Variants in ANKS1A observed in about 807,000 individuals in gnomAD.
ANKS1A encodes ankyrin repeat and SAM domain-containing protein 1A.
In ANKS1A, 55 loss-of-function variants were observed where a neutral mutation model predicts 120.3. The ratio of observed to expected loss-of-function variants is 0.46; its 90% CI spans 0.37 to 0.57. ANKS1A has a LOEUF of 0.57. Ranked by LOEUF, ANKS1A falls within the 20% of genes least tolerant of loss-of-function variation. The probability of loss-of-function intolerance (pLI) is 0.00; values close to 1 mark genes in which losing one functional copy is unlikely to be tolerated. For missense variants in ANKS1A, 1,123 were observed against 1,480.3 expected (o/e 0.76, Z 3.96); for synonymous variants, 590 against 604.7 (o/e 0.98, Z 0.36).
In ANKS1A at chr6:35,089,230, C is replaced by T. The variant is rs1778167671; in HGVS notation, c.*621C>T. Reference sequence around the variant, plus strand: ...TAGACACAGGCTTCTCGTAAGAACACAGCCTTAGAGGCACCTGAGCAACTC... The same window carrying T: ...TAGACACAGGCTTCTCGTAAGAACATAGCCTTAGAGGCACCTGAGCAACTC... On this transcript the variant is annotated 3_prime_UTR_variant, in exon 24 of 24. Transcript: ENST00000360359. 2.0e-6 allele frequency: 2 copies of T among 992,228 alleles called. No individual in the cohort carries two copies. Among genetic ancestry groups the T allele is most frequent in the Non-Finnish European group, 2.4e-6 (2 of 833,340 alleles). The allele number at this position is 992,228 out of a possible 1,614,324, so 61.5% of individuals were successfully genotyped here. A position where few individuals can be genotyped will look rare whatever the true frequency, so the allele number is the denominator to read the frequency against.
intron 14 of ANKS1A, among the ~76,000 whole-genome samples, chr6:35,078,982 C>T (rs181639215): frequency 2.0e-3 from 311 of 152,278 alleles, no homozygotes; most frequent in Non-Finnish European, 3.4e-3. Context: ...CCTTCATGGT[C>T]TCTCTGGCTC....
At chr6:34,995,873 A>G (rs1490780057) in intron 10 of ANKS1A, among the ~76,000 whole-genome samples, 1 of 152,232 alleles carries the variant, frequency 6.6e-6, no homozygotes, top group Admixed American at 6.5e-5. Flanking sequence ...ATTCACTTAC[A>G]GATTTTTGTG....
At chr6:34,989,037 T>C (rs1454283738) in intron 8 of ANKS1A, among the ~76,000 whole-genome samples, 187 bp from the exon 9 acceptor site, 4 of 152,184 alleles carry the variant, frequency 2.6e-5, no homozygotes, top group African/African-American at 9.7e-5. Flanking sequence ...CCATAGAGCA[T>C]GCTAATTGAA....
chr6:34,956,557 A>T (rs1174942572), intron 1 of ANKS1A, among the ~76,000 whole-genome samples: 1 of 152,074 alleles, frequency 6.6e-6, no homozygotes, highest in East Asian at 1.9e-4. Context: ...CTCCTGTTTT[A>T]TTGGGAAATC....
chr6:34,915,901 T>C (rs1768132543), intron 1 of ANKS1A, among the ~76,000 whole-genome samples: 1 of 152,048 alleles, frequency 6.6e-6, no homozygotes, highest in Non-Finnish European at 1.5e-5. Context: ...AGAGAAAGTA[T>C]TTGGTTTCAG....
chr6:34,904,957 T>C (rs1344520103), intron 1 of ANKS1A, among the ~76,000 whole-genome samples: 1 of 152,144 alleles, frequency 6.6e-6, no homozygotes, highest in South Asian at 2.1e-4. Flanking sequence ...ATTACAGGTG[T>C]GTGCCACCAC....
chr6:34,934,439 C>G (rs147778751), intron 1 of ANKS1A, among the ~76,000 whole-genome samples: 1 of 152,188 alleles, frequency 6.6e-6, no homozygotes, highest in Non-Finnish European at 1.5e-5. Context: ...TGAGCCACCA[C>G]GCCCAGCCAC....
intron 1 of ANKS1A, among the ~76,000 whole-genome samples, chr6:34,958,551 C>T (rs190414577): frequency 5.9e-5 from 9 of 152,246 alleles, no homozygotes; most frequent in African/African-American, 1.7e-4. Context: ...TCTGAGTACC[C>T]GCCTCCCAGC....
intron 9 of ANKS1A, among the ~76,000 whole-genome samples, chr6:34,992,362 A>G (rs1238755510): frequency 6.6e-6 from 1 of 152,240 alleles, no homozygotes; most frequent in Non-Finnish European, 1.5e-5. Flanking sequence ...GAGTGAAAGC[A>G]GGTCCAGTGG....
intron 11 of ANKS1A, among the ~76,000 whole-genome samples, chr6:35,021,704 G>A (rs1296715508): frequency 6.6e-6 from 1 of 152,174 alleles, no homozygotes; most frequent in Non-Finnish European, 1.5e-5. Context: ...GCAGAGCTCA[G>A]GCCGGGTGCG....
chr6:34,963,888 A>G lies in ANKS1A; in HGVS notation c.198-3351A>G, dbSNP rs117428521. Among the ~76,000 whole-genome samples the G allele has an allele frequency of 2.9e-4, 44 of 152,242 alleles. No homozygotes were observed. In the East Asian group the frequency reaches 7.9e-3, roughly 27 times the overall value. On this transcript the variant is annotated intron_variant, in intron 1 of 23. Transcript: ENST00000360359. ...CTAGTGATGTTGAGCATTTTTTCAT[A>G]TACCTATTGGCCATTTGTATGTCTT...
chr6:34,916,984 T>A (rs545346591), intron 1 of ANKS1A, among the ~76,000 whole-genome samples: 5 of 152,294 alleles, frequency 3.3e-5, no homozygotes, highest in African/African-American at 1.2e-4. Context: ...CTACCTTACA[T>A]GGTATAATAG....
intron 13 of ANKS1A, among the ~76,000 whole-genome samples, chr6:35,070,169 A>AC (rs1201100887): frequency 5.9e-5 from 9 of 152,100 alleles, no homozygotes; most frequent in African/African-American, 1.7e-4. Flanking sequence ...GGGCATCAAT[A>AC]GTTGTCACCT....
chr6:34,970,244 T>A, intron 3 of ANKS1A, 78 bp downstream of exon 3: 1 of 1,466,290 alleles, frequency 6.8e-7, no homozygotes, highest in Non-Finnish European at 9.1e-7. Flanking sequence ...CTTAGCCCCA[T>A]AGTTCAAATC....
chr6:34,907,031 C>T (rs1767679474), intron 1 of ANKS1A, among the ~76,000 whole-genome samples: 2 of 152,174 alleles, frequency 1.3e-5, no homozygotes, highest in South Asian at 4.1e-4. Flanking sequence ...GGACACTTTG[C>T]CTCTTGTGTT....
rs368742059 is a variant in ANKS1A, at chr6:34,984,159, G to A, written c.1012+734G>A. Among the ~76,000 whole-genome samples the A allele has an allele frequency of 8.5e-5, 13 of 152,224 alleles. No individual in the cohort carries two copies. The South Asian group carries it at 2.5e-3, about 29-fold the overall frequency. On this transcript the variant is annotated intron_variant, in intron 7 of 23. Transcript: ENST00000360359. ...GGCAAATTTTGATAATATATCATAT[G>A]AGCAACAAATGTGGTCTGGATGGGA...
At chr6:34,954,662 T>C (rs3807051) in intron 1 of ANKS1A, among the ~76,000 whole-genome samples, 18,954 of 152,164 alleles carry the variant, frequency 0.12, 1,341 homozygotes, top group East Asian at 0.34. Context: ...AGAACATGCT[T>C]AAACACAAAA....
chr6:34,977,668 C>G (rs1208759535), intron 3 of ANKS1A, among the ~76,000 whole-genome samples: 1 of 152,022 alleles, frequency 6.6e-6, no homozygotes, highest in African/African-American at 2.4e-5. Context: ...GATCAGAGTT[C>G]TGCTTTCCAG....
chr6:35,054,311 C>G, intron 12 of ANKS1A, 146 bp downstream of exon 12: 1 of 670,642 alleles, frequency 1.5e-6, no homozygotes, highest in Non-Finnish European at 2.6e-6. Flanking sequence ...AATTCAGTCT[C>G]CAATACCTAG....
Sources: gnomAD v4.1 joint callset for allele counts (sites outside exome capture counted in the v4.1 genomes callset) on GRCh38, gnomAD v4.1.1 for gene constraint, MANE v1.5 for transcripts, NCBI Gene and HGNC (gene_info 2026-07-23, HGNC 2026-07-21) for gene names.